Variants in GAP43 observed in about 807,000 individuals in gnomAD.
GAP43 encodes growth associated protein 43.
GAP43 carries 6 observed loss-of-function variants against 18.6 expected under a neutral mutation model. The observed-to-expected ratio is 0.32, with a 90% CI of 0.18 to 0.64. GAP43 has a LOEUF of 0.64. Among genes scored for constraint, GAP43 ranks in the 30% least tolerant of loss-of-function variants. GAP43 has a pLI of 0.78. For synonymous variants in GAP43, 115 were observed against 111.4 expected, an observed-to-expected ratio of 1.03 and a Z score of -0.20; for missense variants, 292 against 295.5, an observed-to-expected ratio of 0.99 and a Z score of 0.09.
chr3:115,665,899 G>A (rs77468245), intron 1 of GAP43, among the ~76,000 whole-genome samples: 215 of 152,198 alleles, frequency 1.4e-3, no homozygotes, highest in Non-Finnish European at 2.3e-3. Context: ...GTAGCTCTCA[G>A]AACCTGCAGA....
chr3:115,673,456 T>A (rs1384142986), intron 1 of GAP43, among the ~76,000 whole-genome samples: 1 of 152,238 alleles, frequency 6.6e-6, no homozygotes, highest in Non-Finnish European at 1.5e-5. Context: ...CTGCTCCTTC[T>A]GAAACAATTG....
chr3:115,715,389 A>G (rs1348963102), intron 2 of GAP43, among the ~76,000 whole-genome samples: 1 of 152,188 alleles, frequency 6.6e-6, no homozygotes, highest in Non-Finnish European at 1.5e-5. Flanking sequence ...TGCCAGCTCC[A>G]GGTCATTGCT....
intron 1 of GAP43, among the ~76,000 whole-genome samples, chr3:115,664,539 A>C (rs1404773462): frequency 6.6e-6 from 1 of 152,228 alleles, no homozygotes; most frequent in East Asian, 1.9e-4. Flanking sequence ...TAAGTAATTT[A>C]TCCCAGGTCA....
chr3:115,715,711 C>T (rs1372754072), intron 2 of GAP43, among the ~76,000 whole-genome samples: 1 of 152,192 alleles, frequency 6.6e-6, no homozygotes, highest in African/African-American at 2.4e-5. Flanking sequence ...TTTTATACTA[C>T]AGAAGACTTA....
intron 1 of GAP43, among the ~76,000 whole-genome samples, chr3:115,650,474 TC>T (rs1708507626): frequency 6.6e-6 from 1 of 152,040 alleles, no homozygotes; most frequent in Non-Finnish European, 1.5e-5. Flanking sequence ...CCATCTGGGA[TC>T]CCCCTCTCTC....
intron 2 of GAP43, 87 bp downstream of exon 2, chr3:115,676,697 A>C (rs1708895182): frequency 7.6e-7 from 1 of 1,312,638 alleles, no homozygotes; most frequent in African/African-American, 1.5e-5. Flanking sequence ...TCATTGAGGG[A>C]GAGGAAAAAG....
intron 2 of GAP43, among the ~76,000 whole-genome samples, chr3:115,704,992 C>T (rs1192021206): frequency 6.6e-6 from 1 of 152,116 alleles, no homozygotes; most frequent in Non-Finnish European, 1.5e-5. Context: ...TAGCCATTTG[C>T]TTTGATAAAA....
At chr3:115,701,163 GAGA>G (rs1475455244) in intron 2 of GAP43, among the ~76,000 whole-genome samples, 3 of 152,138 alleles carry the variant, frequency 2.0e-5, no homozygotes, top group Non-Finnish European at 2.9e-5. Context: ...ATCCACAACA[GAGA>G]AGAAGTTTGG....
intron 1 of GAP43, among the ~76,000 whole-genome samples, chr3:115,648,371 T>G (rs1708483276): frequency 6.6e-6 from 1 of 152,084 alleles, no homozygotes; most frequent in Non-Finnish European, 1.5e-5. Flanking sequence ...GACACCATCT[T>G]CAGCATTGAA....
In GAP43 at chr3:115,623,659, A is replaced by AG. The variant is rs1340392848; in HGVS notation, c.-29dup. 17 of 1,613,492 alleles carry AG rather than the reference A, an allele frequency of 1.1e-5. No individual in the cohort carries two copies. Among genetic ancestry groups the AG allele is most frequent in the African/African-American group, 2.7e-5 (2 of 74,928 alleles). On this transcript the variant is annotated 5_prime_UTR_variant, in exon 1 of 3. Transcript: ENST00000305124. ...GAAAGAGAGAGAAGGAAAGGAGAGA[A>AG]GGCAGGAAGAAGGCAAGGGACGAGA...
Position 115,623,557 on chromosome 3 carries a change from G to A in GAP43, c.-133G>A, listed in dbSNP as rs1191530703. The A allele has an allele frequency of 2.3e-5, 26 of 1,111,030 alleles. No individual in the cohort carries two copies. The highest frequency in any genetic ancestry group is 7.9e-5 in the Admixed American group (4 of 50,516). The allele number at this position is 1,111,030 out of a possible 1,614,324, so 68.8% of individuals were successfully genotyped here. ...GTGTGTGTGAGGGAGAGAGAGGGAG[G>A]GAGGGAGAGAGAGCGCGCTAGCGCG... On this transcript the variant is annotated 5_prime_UTR_variant, in exon 1 of 3. Coordinates refer to ENST00000305124, the MANE Select transcript of GAP43 (RefSeq NM_002045.4).
intron 1 of GAP43, among the ~76,000 whole-genome samples, chr3:115,647,547 A>G (rs1159428200): frequency 6.6e-6 from 1 of 151,998 alleles, no homozygotes; most frequent in African/African-American, 2.4e-5. Flanking sequence ...AAAAAGGGAA[A>G]AAACTAGGAG....
intron 1 of GAP43, among the ~76,000 whole-genome samples, chr3:115,660,469 T>C (rs1404252192): frequency 6.6e-6 from 1 of 152,230 alleles, no homozygotes; most frequent in African/African-American, 2.4e-5. Context: ...ACTCCCTTAA[T>C]GTACAGACAA....
intron 2 of GAP43, among the ~76,000 whole-genome samples, chr3:115,680,570 A>G (rs998998711): frequency 1.3e-5 from 2 of 152,190 alleles, no homozygotes; most frequent in African/African-American, 4.8e-5. Flanking sequence ...GAAAACAATC[A>G]TATTCATAAT....
chr3:115,667,227 A>G (rs1420188789), intron 1 of GAP43, among the ~76,000 whole-genome samples: 2 of 152,242 alleles, frequency 1.3e-5, no homozygotes, highest in Non-Finnish European at 2.9e-5. Flanking sequence ...GATTGTTTAT[A>G]GCCCAAGCGA....
chr3:115,707,681 G>A (rs935386142), intron 2 of GAP43, among the ~76,000 whole-genome samples: 2 of 152,252 alleles, frequency 1.3e-5, no homozygotes, highest in Admixed American at 6.5e-5. Context: ...TATGCTTATA[G>A]TAGATATCTA....
chr3:115,689,376 A>G (rs569124627), intron 2 of GAP43, among the ~76,000 whole-genome samples: 1 of 152,326 alleles, frequency 6.6e-6, no homozygotes, highest in East Asian at 1.9e-4. Context: ...AAGGCTCTCA[A>G]TAGACATCCT....
At chr3:115,698,247 A>AAAAT (rs1559804464) in intron 2 of GAP43, among the ~76,000 whole-genome samples, 4 of 14,452 alleles carry the variant, frequency 2.8e-4, no homozygotes, top group South Asian at 1.9e-3. Context: ...AAATATATAT[A>AAAAT]ATATATAATA....
intron 2 of GAP43, among the ~76,000 whole-genome samples, chr3:115,705,885 C>T (rs1050103583): frequency 6.6e-6 from 1 of 152,112 alleles, no homozygotes; most frequent in Non-Finnish European, 1.5e-5. Context: ...GAAAATCCTT[C>T]GTGGAGGGTG....
Sources: gnomAD v4.1 joint callset for allele counts (sites outside exome capture counted in the v4.1 genomes callset) on GRCh38, gnomAD v4.1.1 for gene constraint, MANE v1.5 for transcripts, NCBI Gene and HGNC (gene_info 2026-07-23, HGNC 2026-07-21) for gene names.